The following TSGA10 variants were observed in gnomAD, a reference collection of about 807,000 sequenced individuals.
The protein encoded by TSGA10 is testis-specific gene 10 protein.
Under a neutral mutation model 96.6 loss-of-function variants are expected in TSGA10, and 43 were observed. That is an observed-to-expected ratio of 0.44 (90% CI 0.35 to 0.57). The LOEUF (loss-of-function observed/expected upper bound fraction) is 0.57. Ranked by LOEUF, TSGA10 falls within the 20% of genes least tolerant of loss-of-function variation. The pLI, the probability that TSGA10 is intolerant of heterozygous loss-of-function variation, is 0.01. For synonymous variants in TSGA10, 229 were observed against 269.9 expected, an observed-to-expected ratio of 0.85 and a Z score of 1.48; for missense variants, 703 against 834.4, an observed-to-expected ratio of 0.84 and a Z score of 1.94.
intron 16 of TSGA10, among the ~76,000 whole-genome samples, chr2:99,060,910 T>C (rs895240534): frequency 2.0e-5 from 3 of 152,166 alleles, no homozygotes; most frequent in African/African-American, 7.2e-5. Flanking sequence ...TCTTACATCA[T>C]ACACAAGTAT....
At chr2:99,129,186 G>A (rs1574609641) in intron 1 of TSGA10, among the ~76,000 whole-genome samples, 1 of 152,084 alleles carries the variant, frequency 6.6e-6, no homozygotes, top group East Asian at 1.9e-4. Flanking sequence ...CTTCTCCACT[G>A]CATAATGATC....
chr2:99,043,175 A>AC (rs1429093469), intron 16 of TSGA10, among the ~76,000 whole-genome samples: 1 of 117,198 alleles, frequency 8.5e-6, no homozygotes, highest in African/African-American at 5.1e-5. Context: ...GATTATAAAA[A>AC]AATATATAAA....
intron 10 of TSGA10, among the ~76,000 whole-genome samples, chr2:99,099,923 T>A (rs958801819): frequency 6.6e-6 from 1 of 152,158 alleles, no homozygotes; most frequent in African/African-American, 2.4e-5. Flanking sequence ...CCACAATTTT[T>A]AAAAACAGTT....
chr2:99,102,307 A>G, intron 10 of TSGA10: 1 of 1,612,026 alleles, frequency 6.2e-7, no homozygotes, highest in Non-Finnish European at 8.5e-7. Flanking sequence ...TCTCAAGATG[A>G]AGGAGAAGGG....
chr2:99,060,903 T>C (rs1196456764), intron 16 of TSGA10, among the ~76,000 whole-genome samples: 1 of 152,178 alleles, frequency 6.6e-6, no homozygotes, highest in African/African-American at 2.4e-5. Flanking sequence ...ACCCTTATCT[T>C]ACATCATACA....
intron 20 of TSGA10, among the ~76,000 whole-genome samples, chr2:99,013,515 G>A (rs1421701153): frequency 6.6e-6 from 1 of 151,068 alleles, no homozygotes; most frequent in East Asian, 2.0e-4. Context: ...TGTATTTTTA[G>A]TAGAGACGGG....
chr2:99,124,815 G>C (rs1192315437), intron 2 of TSGA10: 2 of 152,118 alleles, frequency 1.3e-5, no homozygotes, highest in African/African-American at 4.8e-5. Context: ...TCGATCTCCT[G>C]ACCTCATGAT....
At chr2:99,040,816 T>C (rs2082117068) in intron 16 of TSGA10, among the ~76,000 whole-genome samples, 1 of 151,582 alleles carries the variant, frequency 6.6e-6, no homozygotes, top group African/African-American at 2.4e-5. Flanking sequence ...GCCAGCATAC[T>C]GTAGAAAGTA....
At chr2:99,136,032 C>A (rs2093316246) in intron 1 of TSGA10, among the ~76,000 whole-genome samples, 3 of 112,374 alleles carry the variant, frequency 2.7e-5, no homozygotes, top group South Asian at 3.1e-4. Context: ...GGGTCTGCAT[C>A]ATAGAGTTGC....
chr2:99,136,996 A>C, intron 1 of TSGA10, among the ~76,000 whole-genome samples: 1 of 138,090 alleles, frequency 7.2e-6, no homozygotes. Flanking sequence ...TCTAAAACAG[A>C]CTTCCTTTTT....
At chr2:99,094,615 G>C (rs767173317) in intron 10 of TSGA10, among the ~76,000 whole-genome samples, 3 of 152,112 alleles carry the variant, frequency 2.0e-5, no homozygotes, top group Non-Finnish European at 4.4e-5. Flanking sequence ...ATTTTCAAAA[G>C]AAGATATACA....
At chr2:99,016,184 A>T (rs1343543141) in intron 20 of TSGA10, among the ~76,000 whole-genome samples, 3 of 151,948 alleles carry the variant, frequency 2.0e-5, no homozygotes, top group Non-Finnish European at 4.4e-5. Flanking sequence ...AAAAGACCCC[A>T]CATAGCAAGA....
At chr2:99,082,251 C>T (rs1483667762) in intron 10 of TSGA10, among the ~76,000 whole-genome samples, 3 of 151,756 alleles carry the variant, frequency 2.0e-5, no homozygotes, top group South Asian at 2.1e-4. Context: ...TTTAGAGCCC[C>T]GCACCTGGTT....
intron 20 of TSGA10, among the ~76,000 whole-genome samples, chr2:99,010,198 T>A (rs1033660076): frequency 1.3e-5 from 2 of 152,148 alleles, no homozygotes; most frequent in African/African-American, 4.8e-5. Context: ...ACTCTTAAAA[T>A]ACAATTTATG....
chr2:99,123,842 C>A (rs1433816104), intron 2 of TSGA10, among the ~76,000 whole-genome samples: 2 of 152,130 alleles, frequency 1.3e-5, no homozygotes, highest in Admixed American at 1.3e-4. Flanking sequence ...AGTTATATTC[C>A]ATTGTAAGCA....
chr2:99,032,064 T>C (rs1397382616), intron 17 of TSGA10, among the ~76,000 whole-genome samples: 1 of 152,184 alleles, frequency 6.6e-6, no homozygotes, highest in Non-Finnish European at 1.5e-5. Context: ...GTAGGCTTTA[T>C]AGTGGCAAGT....
At chr2:99,122,076 A>G (rs550454026) in intron 2 of TSGA10, among the ~76,000 whole-genome samples, 1 of 152,296 alleles carries the variant, frequency 6.6e-6, no homozygotes, top group South Asian at 2.1e-4. Context: ...GTTTGGCTGT[A>G]CTTGTATAGG....
intron 1 of TSGA10, among the ~76,000 whole-genome samples, chr2:99,144,436 G>C (rs143575527): frequency 2.0e-5 from 3 of 151,516 alleles, no homozygotes; most frequent in East Asian, 3.9e-4. Flanking sequence ...TCACTCTCCC[G>C]AACTGCCTGT....
chr2:99,028,020 C>T (rs1376648340), intron 17 of TSGA10, among the ~76,000 whole-genome samples: 2 of 152,124 alleles, frequency 1.3e-5, no homozygotes, highest in Admixed American at 1.3e-4. Flanking sequence ...GATGTTGCTC[C>T]TCAGGGTATG....
Sources: allele counts gnomAD v4.1 joint callset (sites outside exome capture counted in the v4.1 genomes callset), GRCh38; gene constraint gnomAD v4.1.1; transcripts MANE v1.5; gene names NCBI Gene and HGNC (gene_info 2026-07-23, HGNC 2026-07-21).